CLNS1A: variants seen among roughly 807,000 people sequenced by gnomAD.
CLNS1A encodes the protein chloride nucleotide-sensitive channel 1A, also known as methylosome subunit pICln.
A neutral mutation model predicts 29.4 loss-of-function variants in CLNS1A; 16 were observed. The observed-to-expected ratio is 0.54, with a 90% CI of 0.37 to 0.83. The LOEUF is 0.83. Ranked by LOEUF, CLNS1A falls within the 40% of genes least tolerant of loss-of-function variation. CLNS1A has a pLI of 0.00. For synonymous variants in CLNS1A, 96 were observed against 104.8 expected (o/e 0.92, Z 0.51); for missense variants, 235 against 287.4 (o/e 0.82, Z 1.32).
chr11:77,617,156 TC>T lies in CLNS1A; in HGVS notation c.*23-462del, dbSNP rs563660275. On this transcript the variant is annotated intron_variant, in intron 6 of 6. Coordinates refer to ENST00000525428, the MANE Select transcript of CLNS1A (RefSeq NM_001293.3). ...GCCAAGGCAGGCGGATAACCTGAGG[TC>T]AGAAGTTCAAGACCAGCCTTACCAA... 2.7e-3 allele frequency among the ~76,000 whole-genome samples: 414 copies of T among 151,220 alleles called. 2 individuals carry two copies. Among genetic ancestry groups the T allele is most frequent in the African/African-American group, 9.5e-3 (393 of 41,188 alleles).
intron 1 of CLNS1A, among the ~76,000 whole-genome samples, chr11:77,634,973 TTTTG>T (rs1959109701): frequency 6.6e-6 from 1 of 152,094 alleles, no homozygotes; most frequent in Non-Finnish European, 1.5e-5. Context: ...TTTTTGCAGT[TTTTG>T]TATTCTTTGC....
chr11:77,622,113 G>A (rs536214022), intron 5 of CLNS1A: 25 of 456,364 alleles, frequency 5.5e-5, no homozygotes, highest in Middle Eastern at 6.5e-4. Context: ...CCAAAACTAT[G>A]AGACAATAAA....
intron 2 of CLNS1A, among the ~76,000 whole-genome samples, chr11:77,628,448 A>G (rs1959043008): frequency 6.6e-6 from 1 of 152,234 alleles, no homozygotes; most frequent in East Asian, 1.9e-4. Context: ...CAAGGTTAAC[A>G]GCCTTTTACT....
intron 1 of CLNS1A, among the ~76,000 whole-genome samples, chr11:77,634,878 T>C (rs1346478084): frequency 6.6e-6 from 1 of 152,144 alleles, no homozygotes; most frequent in Non-Finnish European, 1.5e-5. Flanking sequence ...CACCGCAGCC[T>C]CAACTGCCCA....
At position 77,619,684 on chromosome 11, in the gene CLNS1A, C is replaced by T; in HGVS notation, c.658G>A (p.Val220Met). The T allele has an allele frequency of 6.2e-7, 1 of 1,613,252 alleles. No homozygotes were observed. Among genetic ancestry groups the T allele is most frequent in the Non-Finnish European group, 8.5e-7 (1 of 1,179,254 alleles). Residue 220 changes from valine (V) to methionine (M), a missense_variant, in exon 6 of 7, where the codon GTG becomes ATG. Transcript: ENST00000525428. ...SIRDYEDGME[V>M]DTTPTVAGQF... ...CCAGCAACTGTTGGTGTGGTATCCA[C>T]CTCCATCCCATCTAAACAAAAAAAT...
chr11:77,637,767 G>T lies in CLNS1A; in HGVS notation c.-53C>A, dbSNP rs1019820406. On this transcript the variant is annotated 5_prime_UTR_variant, in exon 1 of 7. Coordinates refer to ENST00000525428, the MANE Select transcript of CLNS1A (RefSeq NM_001293.3). ...TGAGGGAGTTGGAGCACAGCAATGC[G>T]TGCACCACACCGCCCGCCCTGGAAG... 2 of 1,510,290 alleles carry T rather than the reference G, an allele frequency of 1.3e-6. No homozygotes were observed. The highest frequency in any genetic ancestry group is 5.1e-5 in the East Asian group (2 of 39,498). 93.6% of individuals were successfully genotyped at this position (1,510,290 alleles called of 1,614,324 possible).
In CLNS1A at chr11:77,614,937, A is replaced by G. The variant is rs1210211549; in HGVS notation, c.*1781T>C. 3.3e-5 allele frequency: 5 copies of G among 152,202 alleles called. No individual in the cohort carries two copies. Among genetic ancestry groups the G allele is most frequent in the Non-Finnish European group, 7.3e-5 (5 of 68,038 alleles). 9.4% of individuals were successfully genotyped at this position (152,202 alleles called of 1,614,324 possible). On this transcript the variant is annotated 3_prime_UTR_variant, in exon 7 of 7. Transcript: ENST00000525428. ...TCTATTTTCTCAATGCTACGGTTCT[A>G]ACTATCTAGTGAATGTTACAGCTCA...
intron 1 of CLNS1A, among the ~76,000 whole-genome samples, chr11:77,633,895 G>C (rs35374549): frequency 3.9e-5 from 6 of 152,056 alleles, no homozygotes; most frequent in African/African-American, 7.2e-5. Context: ...AAGTTCGGGA[G>C]TTTGAGACAA....
At chr11:77,626,306 C>T (rs543741098) in intron 2 of CLNS1A, among the ~76,000 whole-genome samples, 2 of 152,072 alleles carry the variant, frequency 1.3e-5, no homozygotes, top group South Asian at 4.2e-4. Flanking sequence ...TGGTCTGAAA[C>T]TCCTGGGCTC....
chr11:77,635,849 A>G (rs1317359078), intron 1 of CLNS1A, among the ~76,000 whole-genome samples: 1 of 152,168 alleles, frequency 6.6e-6, no homozygotes, highest in Non-Finnish European at 1.5e-5. Flanking sequence ...TCTCCTTGTC[A>G]ATACTCAATA....
intron 4 of CLNS1A, among the ~76,000 whole-genome samples, chr11:77,624,339 T>TG (rs1371015875): frequency 2.0e-5 from 3 of 152,178 alleles, no homozygotes; most frequent in Non-Finnish European, 1.5e-5. Flanking sequence ...GCTTGTTCTC[T>TG]GGGGGCAGCT....
intron 5 of CLNS1A, chr11:77,622,178 C>T: frequency 2.4e-6 from 1 of 423,138 alleles, no homozygotes; most frequent in Non-Finnish European, 4.7e-6. Flanking sequence ...ATAGCCCTAG[C>T]AAACTAATAC....
chr11:77,630,443 T>G (rs866060271), intron 1 of CLNS1A, among the ~76,000 whole-genome samples: 4 of 152,322 alleles, frequency 2.6e-5, no homozygotes, highest in Middle Eastern at 6.8e-3. Context: ...AATAAATCCT[T>G]GGTAATCATG....
chr11:77,629,725 A>T (rs772262294), intron 2 of CLNS1A, 38 bp downstream of exon 2: 1 of 1,595,920 alleles, frequency 6.3e-7, no homozygotes, highest in African/African-American at 1.3e-5. Flanking sequence ...ATAATTTGCT[A>T]TCAAAGGAGG....
chr11:77,616,943 C>G (rs533101002), intron 6 of CLNS1A, among the ~76,000 whole-genome samples: 6 of 152,294 alleles, frequency 3.9e-5, no homozygotes, highest in Admixed American at 3.3e-4. Flanking sequence ...ATTAACGTGC[C>G]GTCTCCACCC....
intron 6 of CLNS1A, among the ~76,000 whole-genome samples, chr11:77,618,901 C>T (rs1022158397): frequency 2.6e-5 from 4 of 152,170 alleles, no homozygotes; most frequent in Non-Finnish European, 5.9e-5. Flanking sequence ...ATAAATCTTA[C>T]CATGCTATTA....
chr11:77,621,443 G>C (rs1958957209), intron 5 of CLNS1A, among the ~76,000 whole-genome samples: 1 of 152,038 alleles, frequency 6.6e-6, no homozygotes, highest in African/African-American at 2.4e-5. Context: ...CTTTGCCTGT[G>C]CATACTTTAA....
At chr11:77,624,388 T>C (rs1958993892) in intron 4 of CLNS1A, among the ~76,000 whole-genome samples, 1 of 152,208 alleles carries the variant, frequency 6.6e-6, no homozygotes, top group Admixed American at 6.5e-5. Flanking sequence ...TCCACTTCCC[T>C]ATCTACCATT....
Position 77,619,678 on chromosome 11 carries a change from T to C in CLNS1A, c.664A>G (p.Thr222Ala), listed in dbSNP as rs764603592. 254 of 1,613,490 alleles carry C rather than the reference T, an allele frequency of 1.6e-4. 1 individual carries two copies. Among genetic ancestry groups the C allele is most frequent in the Non-Finnish European group, 2.1e-4 (242 of 1,179,550 alleles). ...RDYEDGMEVDTTPTVAGQFED... is the reference protein window; with the variant it reads ...RDYEDGMEVDATPTVAGQFED... ...AACTGTCCAGCAACTGTTGGTGTGGTATCCACCTCCATCCCATCTAAACAA... is the reference window on the plus strand; with the variant it reads ...AACTGTCCAGCAACTGTTGGTGTGGCATCCACCTCCATCCCATCTAAACAA... The change falls in exon 6 of 7, where the codon ACC becomes GCC. Residue 222 changes from threonine (T) to alanine (A), a missense_variant. Coordinates refer to ENST00000525428, the MANE Select transcript of CLNS1A (RefSeq NM_001293.3).
Sources: gnomAD v4.1 joint callset for allele counts (sites outside exome capture counted in the v4.1 genomes callset) on GRCh38, gnomAD v4.1.1 for gene constraint, MANE v1.5 for transcripts, NCBI Gene and HGNC (gene_info 2026-07-23, HGNC 2026-07-21) for gene names.